CEP55: variants seen among roughly 807,000 people sequenced by gnomAD.
CEP55 encodes centrosomal protein 55.
A neutral mutation model predicts 63.2 loss-of-function variants in CEP55; 57 were observed. The ratio of observed to expected loss-of-function variants is 0.90; its 90% CI spans 0.73 to 1.13. The LOEUF (loss-of-function observed/expected upper bound fraction) is 1.13. CEP55 is among the 50% of genes most tolerant of loss of function. CEP55 has a pLI of 0.00. For missense variants in CEP55, 456 were observed against 518.9 expected, an observed-to-expected ratio of 0.88 and a Z score of 1.18; for synonymous variants, 178 against 191.6, an observed-to-expected ratio of 0.93 and a Z score of 0.59.
At chr10:93,502,439 G>T (rs931936941) in intron 2 of CEP55, among the ~76,000 whole-genome samples, 1 of 151,982 alleles carries the variant, frequency 6.6e-6, no homozygotes. Context: ...CTAAATTCAA[G>T]TTTTAACTTC....
intron 8 of CEP55, chr10:93,520,093 T>C: frequency 2.4e-6 from 1 of 413,774 alleles, no homozygotes; most frequent in South Asian, 2.4e-5. Context: ...GAATAGAGGG[T>C]AGTCACAGAA....
At position 93,500,043 on chromosome 10, in the gene CEP55, A is replaced by C; in HGVS notation, c.-9A>C. 6.3e-7 allele frequency: 1 copy of C among 1,587,458 alleles called. No homozygotes were observed. The highest frequency in any genetic ancestry group is 8.6e-7 in the Non-Finnish European group (1 of 1,168,826). On this transcript the variant is annotated 5_prime_UTR_variant, in exon 2 of 9. Coordinates refer to ENST00000371485, the MANE Select transcript of CEP55 (RefSeq NM_018131.5). ...CAGTTGATTTTTATTTTTACAGACCATTTCAGAGATGTCTTCCAGAAGTAC... is the reference window on the plus strand; with the variant it reads ...CAGTTGATTTTTATTTTTACAGACCCTTTCAGAGATGTCTTCCAGAAGTAC...
In CEP55 at chr10:93,496,651, C is replaced by G. The variant is rs1447682566; in HGVS notation, c.-285C>G. ...GGCATCCACACCTGATGGTGTGACT[C>G]GGCCGACGCGAGCGCCGCGCTTCGC... On this transcript the variant is annotated 5_prime_UTR_variant, in exon 1 of 9. Transcript: ENST00000371485. 1 of 152,240 alleles carries G rather than the reference C, an allele frequency of 6.6e-6. No individual in the cohort carries two copies. Among genetic ancestry groups the G allele is most frequent in the Non-Finnish European group, 1.5e-5 (1 of 68,048 alleles). 9.4% of individuals were successfully genotyped at this position (152,240 alleles called of 1,614,324 possible).
chr10:93,524,132 A>G (rs1271128626), intron 8 of CEP55, among the ~76,000 whole-genome samples: 2 of 152,100 alleles, frequency 1.3e-5, no homozygotes, highest in Non-Finnish European at 2.9e-5. Flanking sequence ...AAACTTTCAA[A>G]AAATCAATGA....
rs2057574450 is a variant in CEP55, at chr10:93,496,876, G to A, written c.-60G>A. On this transcript the variant is annotated 5_prime_UTR_variant, in exon 1 of 9. Coordinates refer to ENST00000371485, the MANE Select transcript of CEP55 (RefSeq NM_018131.5). ...CTCACTTCGTGCCTGGCACCCGGCT[G>A]GGCGCCTCAAGACCGTTGTCTCTTC... 1 of 152,364 alleles carries A rather than the reference G, an allele frequency of 6.6e-6. No homozygotes were observed. The highest frequency in any genetic ancestry group is 1.5e-5 in the Non-Finnish European group (1 of 68,146). The allele number at this position is 152,364 out of a possible 1,614,324, so 9.4% of individuals were successfully genotyped here.
Position 93,503,395 on chromosome 10 carries a change from A to C in CEP55, c.459+7A>C. ...TACACTCCGTTTATCACAGGTGCTAATCATTTCTTTAAACCCAGATTTTTT... is the reference window on the plus strand; with the variant it reads ...TACACTCCGTTTATCACAGGTGCTACTCATTTCTTTAAACCCAGATTTTTT... On this transcript the variant is annotated splice_region_variant and intron_variant, in intron 3 of 8. Coordinates refer to ENST00000371485, the MANE Select transcript of CEP55 (RefSeq NM_018131.5). 1 of 1,598,598 alleles carries C rather than the reference A, an allele frequency of 6.3e-7. No homozygotes were observed. Among genetic ancestry groups the C allele is most frequent in the Non-Finnish European group, 8.5e-7 (1 of 1,171,910 alleles).
At chr10:93,523,280 G>T (rs149365263) in intron 8 of CEP55, among the ~76,000 whole-genome samples, 3,980 of 152,208 alleles carry the variant, frequency 0.026, 151 homozygotes, top group African/African-American at 0.081. Flanking sequence ...AAAGGCAGGG[G>T]TTGCAATCCT....
At chr10:93,501,502 A>C (rs1384061794) in intron 2 of CEP55, among the ~76,000 whole-genome samples, 1 of 152,080 alleles carries the variant, frequency 6.6e-6, no homozygotes, top group Admixed American at 6.6e-5. Flanking sequence ...CAGCCTGGCC[A>C]ATATGGCGAA....
intron 8 of CEP55, chr10:93,520,024 C>T: frequency 1.8e-6 from 1 of 566,368 alleles, no homozygotes; most frequent in Non-Finnish European, 3.2e-6. Context: ...CCCCCAACTA[C>T]CCCAGCTGCT....
intron 8 of CEP55, 121 bp downstream of exon 8, chr10:93,519,928 G>C (rs2057841974): frequency 1.8e-6 from 2 of 1,085,712 alleles, no homozygotes; most frequent in Non-Finnish European, 2.8e-6. Flanking sequence ...TCAGTAGGTA[G>C]AGCCTCTGCC....
chr10:93,497,750 A>G (rs2057587829), intron 1 of CEP55, among the ~76,000 whole-genome samples: 1 of 152,014 alleles, frequency 6.6e-6, no homozygotes, highest in South Asian at 2.1e-4. Context: ...ATCGTTTGTT[A>G]AGAGTTCACA....
intron 2 of CEP55, among the ~76,000 whole-genome samples, chr10:93,502,650 T>C (rs1015127739): frequency 5.9e-5 from 9 of 152,212 alleles, no homozygotes; most frequent in African/African-American, 1.7e-4. Context: ...AGCAGGTTAA[T>C]GAATGCATCC....
At chr10:93,514,030 C>T (rs145457759) in intron 4 of CEP55, among the ~76,000 whole-genome samples, 7 of 151,954 alleles carry the variant, frequency 4.6e-5, no homozygotes, top group Admixed American at 1.3e-4. Flanking sequence ...CTGCAACCTC[C>T]GCCTCCCGCA....
At position 93,529,067 on chromosome 10, in the gene CEP55, A is replaced by T. The variant is rs1398967517; in HGVS notation, c.*914A>T. ...ACCACTGGGCTACTGTAAATGAGAA[A>T]AGAATAAAATTATTTAATGTTTTAA... On this transcript the variant is annotated 3_prime_UTR_variant, in exon 9 of 9. Transcript: ENST00000371485. The T allele has an allele frequency of 1.3e-5, 2 of 152,204 alleles. No individual in the cohort carries two copies. The highest frequency in any genetic ancestry group is 1.3e-4 in the Admixed American group (2 of 15,258). The allele number at this position is 152,204 out of a possible 1,614,324, so 9.4% of individuals were successfully genotyped here. A position where few individuals can be genotyped will look rare whatever the true frequency, so the allele number is the denominator to read the frequency against.
chr10:93,510,725 T>G (rs915421841), intron 4 of CEP55: 6 of 152,192 alleles, frequency 3.9e-5, no homozygotes, highest in African/African-American at 1.4e-4. Context: ...TGCCCACAAC[T>G]ATAGCACAGA....
chr10:93,503,559 A>G (rs1564761592), intron 3 of CEP55, among the ~76,000 whole-genome samples, 171 bp downstream of exon 3: 1 of 152,136 alleles, frequency 6.6e-6, no homozygotes, highest in Non-Finnish European at 1.5e-5. Context: ...CCTTCTCTAT[A>G]AGCAAAAATA....
rs927046747 is a variant in CEP55, at chr10:93,501,975, C to T, written c.184-1138C>T. ...CAATTAAACTTCCTATAACTTCTAC[C>T]CATTTGTTCTAATTGTGCCTATTAA... On this transcript the variant is annotated intron_variant, in intron 2 of 8. Coordinates refer to ENST00000371485, the MANE Select transcript of CEP55 (RefSeq NM_018131.5). Among the ~76,000 whole-genome samples the T allele has an allele frequency of 2.6e-5, 4 of 152,120 alleles. No individual in the cohort carries two copies. The South Asian group carries it at 6.2e-4, about 24-fold the overall frequency.
At position 93,517,086 on chromosome 10, in the gene CEP55, C is replaced by T. The variant is rs1302196733; in HGVS notation, c.831C>T (p.His277=). The T allele has an allele frequency of 2.5e-6, 4 of 1,613,962 alleles. No homozygotes were observed. The South Asian group carries it at 3.3e-5, about 13-fold the overall frequency. ...RKYEETQKEV[H]NLNQLLYSQR... ...ATGAAGAAACCCAAAAAGAAGTTCA[C>T]AATTTAAATCAGCTGTTGTATTCAC... Residue 277 remains histidine, a synonymous_variant, in exon 6 of 9, where the codon CAC becomes CAT. Transcript: ENST00000371485.
chr10:93,499,905 C>A, intron 1 of CEP55, 135 bp from the exon 2 acceptor site: 1 of 566,422 alleles, frequency 1.8e-6, no homozygotes, highest in Non-Finnish European at 3.0e-6. Flanking sequence ...CAGAAGCCTC[C>A]ATCCATCTTT....
Sources: gnomAD v4.1 joint callset for allele counts (sites outside exome capture counted in the v4.1 genomes callset) on GRCh38, gnomAD v4.1.1 for gene constraint, MANE v1.5 for transcripts, NCBI Gene and HGNC (gene_info 2026-07-23, HGNC 2026-07-21) for gene names.